ANXA6: variants seen among roughly 807,000 people sequenced by gnomAD.
ANXA6 encodes the protein annexin A6.
In ANXA6, 71 loss-of-function variants were observed where a neutral mutation model predicts 95.4. The observed-to-expected ratio is 0.74, with a 90% CI of 0.61 to 0.91. The LOEUF (loss-of-function observed/expected upper bound fraction) is 0.91. Among genes scored for constraint, ANXA6 ranks in the 40% least tolerant of loss-of-function variants. ANXA6 has a pLI of 0.00. For missense variants in ANXA6, 830 were observed against 876.4 expected, an observed-to-expected ratio of 0.95 and a Z score of 0.67; for synonymous variants, 289 against 315.9, an observed-to-expected ratio of 0.91 and a Z score of 0.90.
rs768429614 is a variant in ANXA6, at chr5:151,117,120, G to A, written c.1572+7C>T. On this transcript the variant is annotated splice_region_variant and intron_variant, in intron 20 of 25. Transcript: ENST00000354546. The stretch of plus-strand genomic sequence containing the variant: ...CAGAGGTGACTGGGGTGGGCTGGGG[G>A]TCTTACCTGGGCATCTTCCCGTGCC... 8 of 1,587,712 alleles carry A rather than the reference G, an allele frequency of 5.0e-6. No homozygotes were observed. Among genetic ancestry groups the A allele is most frequent in the Non-Finnish European group, 6.9e-6 (8 of 1,164,100 alleles).
intron 20 of ANXA6, among the ~76,000 whole-genome samples, chr5:151,115,762 T>C (rs1764980764): frequency 6.6e-6 from 1 of 152,240 alleles, no homozygotes; most frequent in Non-Finnish European, 1.5e-5. Context: ...GTAGCTGAAA[T>C]GCCATACATT....
chr5:151,111,676 C>A (rs535904061), intron 20 of ANXA6, among the ~76,000 whole-genome samples: 1 of 152,324 alleles, frequency 6.6e-6, no homozygotes, highest in East Asian at 1.9e-4. Flanking sequence ...GCAACCTTGA[C>A]CTCCTGGGCT....
At chr5:151,122,105 T>C (rs773408401) in intron 17 of ANXA6, 42 bp downstream of exon 17, 28 of 1,332,342 alleles carry the variant, frequency 2.1e-5, no homozygotes, top group Non-Finnish European at 2.9e-5. Context: ...TGTATCCCTA[T>C]TGGCACCCGC....
intron 13 of ANXA6, among the ~76,000 whole-genome samples, chr5:151,127,824 A>G (rs1282868636): frequency 6.6e-6 from 1 of 152,192 alleles, no homozygotes; most frequent in Non-Finnish European, 1.5e-5. Flanking sequence ...CAGAGCAGGA[A>G]TGTGTCCTTT....
At chr5:151,120,622 G>A (rs1200609200) in intron 17 of ANXA6, among the ~76,000 whole-genome samples, 1 of 152,160 alleles carries the variant, frequency 6.6e-6, no homozygotes, top group Non-Finnish European at 1.5e-5. Context: ...AGGAGGCTGA[G>A]GCAGGAGAAT....
Position 151,119,335 on chromosome 5 carries a change from GC to G in ANXA6, c.1402del (p.Ala468LeufsTer22). On this transcript the variant is annotated frameshift_variant, in exon 18 of 26. Coordinates refer to ENST00000354546, the MANE Select transcript of ANXA6 (RefSeq NM_001155.5). LOFTEE classifies it high-confidence loss of function. ...GGCCTCATTGATGGCCCGGATTTCA[GC>G]ATTGGTCCGAGTGGCCAGGATTTCA... ...LIEILATRTNAEIRAINEAYK... is the reference protein window; with the variant it reads ...LIEILATRTNXEIRAINEAYK... 1 of 1,613,630 alleles carries G rather than the reference GC, an allele frequency of 6.2e-7. No homozygotes were observed. Among genetic ancestry groups the G allele is most frequent in the Non-Finnish European group, 8.5e-7 (1 of 1,179,870 alleles).
chr5:151,115,735 A>G (rs1581985548), intron 20 of ANXA6, among the ~76,000 whole-genome samples: 1 of 152,214 alleles, frequency 6.6e-6, no homozygotes, highest in South Asian at 2.1e-4. Context: ...CCTAACCCCC[A>G]TCCATGTGCC....
chr5:151,129,556 A>G, intron 11 of ANXA6, 27 bp from the exon 12 acceptor site: 2 of 1,582,648 alleles, frequency 1.3e-6, no homozygotes, highest in Non-Finnish European at 8.6e-7. Flanking sequence ...TTTGGGGAAC[A>G]TGGACTTGAG....
intron 23 of ANXA6, 130 bp from the exon 24 acceptor site, chr5:151,105,433 G>A (rs757236093): frequency 3.9e-6 from 3 of 776,032 alleles, no homozygotes; most frequent in Non-Finnish European, 4.5e-6. Context: ...CAACCCCAGG[G>A]TCATGCTCAG....
chr5:151,134,396 G>A (rs1582005730), intron 8 of ANXA6, 31 bp downstream of exon 8: 1 of 1,612,192 alleles, frequency 6.2e-7, no homozygotes, highest in African/African-American at 1.3e-5. Context: ...CTTCTGCTGT[G>A]CCTCAGGGAC....
chr5:151,154,197 C>T (rs550576649), intron 1 of ANXA6, among the ~76,000 whole-genome samples: 52 of 151,790 alleles, frequency 3.4e-4, no homozygotes, highest in African/African-American at 1.2e-3. Context: ...ACAAACCAGG[C>T]CCACTGGTAG....
At chr5:151,136,174 C>T (rs990068049) in intron 7 of ANXA6, 82 bp downstream of exon 7, 1 of 1,372,830 alleles carries the variant, frequency 7.3e-7, no homozygotes, top group African/African-American at 1.5e-5. Flanking sequence ...TGACCAGACC[C>T]TGGACATTCA....
At chr5:151,104,405 CAG>C (rs1456033230) in intron 24 of ANXA6, among the ~76,000 whole-genome samples, 4 of 152,334 alleles carry the variant, frequency 2.6e-5, no homozygotes, top group Non-Finnish European at 5.9e-5. Flanking sequence ...GCCTAGGAGT[CAG>C]AGCTAGGTTC....
intron 18 of ANXA6, among the ~76,000 whole-genome samples, chr5:151,118,123 C>A (rs1765056311): frequency 6.6e-6 from 1 of 152,164 alleles, no homozygotes. Context: ...TCTTAAGTCA[C>A]CTCCCTGTTG....
chr5:151,113,627 A>G (rs1293078924), intron 20 of ANXA6, among the ~76,000 whole-genome samples: 1 of 152,182 alleles, frequency 6.6e-6, no homozygotes, highest in Non-Finnish European at 1.5e-5. Context: ...CTTTAAGATA[A>G]TAATATCTGT....
At chr5:151,129,295 C>G (rs1018578285) in intron 12 of ANXA6, 112 bp downstream of exon 12, 27 of 1,390,952 alleles carry the variant, frequency 1.9e-5, no homozygotes, top group South Asian at 2.8e-5. Flanking sequence ...CTGGAATGTC[C>G]AAGAGACTCC....
intron 11 of ANXA6, among the ~76,000 whole-genome samples, 177 bp from the exon 12 acceptor site, chr5:151,129,706 T>TTTGTTTGC (rs1476157285): frequency 6.7e-6 from 1 of 149,210 alleles, no homozygotes; most frequent in Non-Finnish European, 1.5e-5. Flanking sequence ...GTTTTGTTTG[T>TTTGTTTGC]TTGTTTGTTT....
At chr5:151,157,163 G>A (rs1052123830) in intron 1 of ANXA6, among the ~76,000 whole-genome samples, 1 of 152,138 alleles carries the variant, frequency 6.6e-6, no homozygotes, top group Non-Finnish European at 1.5e-5. Flanking sequence ...AGGTATGTAC[G>A]ACCGGACGTT....
intron 2 of ANXA6, among the ~76,000 whole-genome samples, chr5:151,143,737 A>G (rs567571584): frequency 1.3e-5 from 2 of 152,262 alleles, no homozygotes; most frequent in East Asian, 1.9e-4. Context: ...CACCAAGTAC[A>G]GGGCCTGGAG....
Sources: gnomAD v4.1 joint callset for allele counts (sites outside exome capture counted in the v4.1 genomes callset) on GRCh38, gnomAD v4.1.1 for gene constraint, MANE v1.5 for transcripts, NCBI Gene and HGNC (gene_info 2026-07-23, HGNC 2026-07-21) for gene names.